Variants in NIBAN2 observed in about 807,000 individuals in gnomAD.
NIBAN2 encodes the protein protein Niban 2.
A neutral mutation model predicts 81.8 loss-of-function variants in NIBAN2; 36 were observed. The observed-to-expected ratio is 0.44, with a 90% CI of 0.34 to 0.58. NIBAN2 has a LOEUF of 0.58. Among genes scored for constraint, NIBAN2 ranks in the 20% least tolerant of loss-of-function variants. The pLI, the probability that NIBAN2 is intolerant of heterozygous loss-of-function variation, is 0.02. For synonymous variants in NIBAN2, 445 were observed against 441.6 expected (o/e 1.01, Z -0.10); for missense variants, 897 against 1,014.1 (o/e 0.88, Z 1.57).
chr9:127,547,983 C>T (rs1306646061), intron 1 of NIBAN2, among the ~76,000 whole-genome samples: 9 of 152,208 alleles, frequency 5.9e-5, no homozygotes, highest in East Asian at 5.8e-4. Flanking sequence ...TGGAACCTCT[C>T]GAAGGAGCTC....
intron 1 of NIBAN2, among the ~76,000 whole-genome samples, chr9:127,535,394 G>A (rs1318674613): frequency 6.6e-6 from 1 of 152,242 alleles, no homozygotes; most frequent in East Asian, 1.9e-4. Context: ...GGGCAAGACT[G>A]AGCCAGGAGA....
chr9:127,535,710 GCTC>G (rs1288107632), intron 1 of NIBAN2, among the ~76,000 whole-genome samples: 1 of 152,100 alleles, frequency 6.6e-6, no homozygotes, highest in Non-Finnish European at 1.5e-5. Context: ...ATCCAGGCTT[GCTC>G]TCAGAATTCA....
Position 127,508,513 on chromosome 9 carries a change from AACGTAT to A in NIBAN2, c.1337_1342del (p.Tyr446_Thr447del). The stretch of plus-strand genomic sequence containing the variant: ...CAGCTCCTGGTGCAGGAGGGTCTCG[AACGTAT>A]ACACGGCATTGTCCATTTGCTGCAG... On this transcript the variant is annotated inframe_deletion, in exon 11 of 14. Transcript: ENST00000373312. The surrounding 1 kb of genome is among the most constrained non-coding windows in gnomAD (Gnocchi z 6.4). 6.2e-7 allele frequency: 1 copy of A among 1,613,846 alleles called. No individual in the cohort carries two copies. The highest frequency in any genetic ancestry group is 8.5e-7 in the Non-Finnish European group (1 of 1,179,944).
Position 127,523,692 on chromosome 9 carries a change from C to A in NIBAN2, c.576G>T (p.Arg192=). The A allele has an allele frequency of 6.2e-7, 1 of 1,611,848 alleles. No homozygotes were observed. Among genetic ancestry groups the A allele is most frequent in the Non-Finnish European group, 8.5e-7 (1 of 1,178,384 alleles). Residue 192 remains arginine, a synonymous_variant, in exon 5 of 14, where the codon CGG becomes CGT. Coordinates refer to ENST00000373312, the MANE Select transcript of NIBAN2 (RefSeq NM_022833.4). ...KWQAVLQDCI[R]HCNNGIPEDS... Reference sequence around the variant, plus strand: ...CAGGCCACTCACCATTGTTGCAGTGCCGGATGCAGTCCTGCAGCACAGCCT... The same window carrying A: ...CAGGCCACTCACCATTGTTGCAGTGACGGATGCAGTCCTGCAGCACAGCCT...
chr9:127,537,660 C>T (rs564795431), intron 1 of NIBAN2, among the ~76,000 whole-genome samples: 2 of 152,304 alleles, frequency 1.3e-5, no homozygotes, highest in Admixed American at 6.5e-5. Flanking sequence ...CGCTTTCTGC[C>T]AGCAGGAGGT....
chr9:127,523,697 T>G lies in NIBAN2; in HGVS notation c.571A>C (p.Ile191Leu), dbSNP rs1205784096. 6.2e-7 allele frequency: 1 copy of G among 1,612,876 alleles called. No individual in the cohort carries two copies. Among genetic ancestry groups the G allele is most frequent in the Non-Finnish European group, 8.5e-7 (1 of 1,179,156 alleles). Residue 191 changes from isoleucine (I) to leucine (L), a missense_variant, in exon 5 of 14, where the codon ATC becomes CTC. By Grantham distance (5) the Ile-to-Leu change is conservative. Around this residue, in one of 3 missense-constraint regions of NIBAN2, gnomAD observed 69 missense variants for 114.7 expected, o/e 0.60. Coordinates refer to ENST00000373312, the MANE Select transcript of NIBAN2 (RefSeq NM_022833.4). Reference sequence around the variant, plus strand: ...CACTCACCATTGTTGCAGTGCCGGATGCAGTCCTGCAGCACAGCCTGCCAC... The same window carrying G: ...CACTCACCATTGTTGCAGTGCCGGAGGCAGTCCTGCAGCACAGCCTGCCAC... The part of the protein sequence containing the change: ...DKWQAVLQDC[I>L]RHCNNGIPED...
intron 8 of NIBAN2, among the ~76,000 whole-genome samples, chr9:127,512,523 G>A (rs1158351631): frequency 6.6e-6 from 1 of 152,156 alleles, no homozygotes; most frequent in Non-Finnish European, 1.5e-5. Flanking sequence ...CTGACCTCAA[G>A]TGATCCACCC....
intron 8 of NIBAN2, 88 bp from the exon 9 acceptor site, chr9:127,510,421 T>C (rs1836714854): frequency 3.7e-6 from 3 of 820,018 alleles, no homozygotes; most frequent in Non-Finnish European, 5.3e-6. Flanking sequence ...GGCTACTGTA[T>C]TACTATTATT....
At position 127,527,175 on chromosome 9, in the gene NIBAN2, GC is replaced by G. The variant is rs1564303508; in HGVS notation, c.315+18del. 1 of 1,610,782 alleles carries G rather than the reference GC, an allele frequency of 6.2e-7. No individual in the cohort carries two copies. The highest frequency in any genetic ancestry group is 8.5e-7 in the Non-Finnish European group (1 of 1,179,854). Reference sequence around the variant, plus strand: ...AGAAAGCGGGGAGGCTCAGTGTGGCGCCCGGGGCCAGGCCTCACCGCTTTGT... The same window carrying G: ...AGAAAGCGGGGAGGCTCAGTGTGGCGCCGGGGCCAGGCCTCACCGCTTTGT... On this transcript the variant is annotated intron_variant, in intron 3 of 13. Coordinates refer to ENST00000373312, the MANE Select transcript of NIBAN2 (RefSeq NM_022833.4).
At chr9:127,543,140 G>A (rs1837411766) in intron 1 of NIBAN2, among the ~76,000 whole-genome samples, 1 of 152,224 alleles carries the variant, frequency 6.6e-6, no homozygotes, top group Non-Finnish European at 1.5e-5. Flanking sequence ...CTCAGCTAGG[G>A]ACTTCCAGTG....
chr9:127,556,318 C>T (rs1837669421), intron 1 of NIBAN2, among the ~76,000 whole-genome samples: 1 of 152,132 alleles, frequency 6.6e-6, no homozygotes, highest in Non-Finnish European at 1.5e-5. Flanking sequence ...GTCACCACCC[C>T]AAGCCCCTCC....
In NIBAN2 at chr9:127,568,888, C is replaced by T. The variant is rs1327856360; in HGVS notation, c.-14G>A. 76 of 1,296,782 alleles carry T rather than the reference C, an allele frequency of 5.9e-5. 1 individual carries two copies. The East Asian group carries it at 2.3e-3, about 39-fold the overall frequency. 80.3% of individuals were successfully genotyped at this position (1,296,782 alleles called of 1,614,324 possible). On this transcript the variant is annotated 5_prime_UTR_variant, in exon 1 of 14. Coordinates refer to ENST00000373312, the MANE Select transcript of NIBAN2 (RefSeq NM_022833.4). ...CACGTCCCCCATGGCCAGGAGGTGT[C>T]GCGGCCCGATCCGGCCGACGCCGCC... is the stretch of plus-strand genomic sequence containing the variant.
chr9:127,531,760 A>C lies in NIBAN2; in HGVS notation c.74T>G (p.Leu25Arg). 1 of 1,614,246 alleles carries C rather than the reference A, an allele frequency of 6.2e-7. No individual in the cohort carries two copies. The highest frequency in any genetic ancestry group is 8.5e-7 in the Non-Finnish European group (1 of 1,180,040). The change falls in exon 2 of 14, where the codon CTG (leucine) becomes CGG (arginine). Residue 25 changes from leucine to arginine, a missense_variant. By Grantham distance (102) the Leu-to-Arg change is moderately radical (BLOSUM62 -2). Around this residue, in one of 3 missense-constraint regions of NIBAN2, gnomAD observed 209 missense variants for 208.4 expected, o/e 1.00. Coordinates refer to ENST00000373312, the MANE Select transcript of NIBAN2 (RefSeq NM_022833.4). ...TTCATAGAACTGGAGGAACTCCGTC[A>C]GGATCTTCCCGGTTTTTTCTGGAAG... Reference protein sequence around the residue: ...QHIAEKTGKILTEFLQFYEDQ... With the variant: ...QHIAEKTGKIRTEFLQFYEDQ...
In NIBAN2 at chr9:127,517,188, A is replaced by T; in HGVS notation, c.734T>A (p.Leu245Gln). 9 of 1,613,982 alleles carry T rather than the reference A, an allele frequency of 5.6e-6. No homozygotes were observed. Among genetic ancestry groups the T allele is most frequent in the Non-Finnish European group, 7.6e-6 (9 of 1,179,970 alleles). Residue 245 changes from leucine (L) to glutamine (Q), a missense_variant, in exon 7 of 14, where the codon CTG becomes CAG. Physicochemically the swap from Leu to Gln is moderately radical, Grantham distance 113. Around this residue, in one of 3 missense-constraint regions of NIBAN2, gnomAD observed 619 missense variants for 691.0 expected, o/e 0.90. Transcript: ENST00000373312. This position sits in a 1 kb window ranked among gnomAD's most constrained non-coding sequence, Gnocchi z 4.0. The stretch of plus-strand genomic sequence containing the variant: ...GAGCTCTGCCTTCAGCTCAGGGCCC[A>T]GCTCCTCCATCACCAGGTTGCTCAG... ...QILSNLVMEE[L>Q]GPELKAELGP...
At chr9:127,535,645 G>A (rs1373222587) in intron 1 of NIBAN2, among the ~76,000 whole-genome samples, 1 of 152,184 alleles carries the variant, frequency 6.6e-6, no homozygotes, top group Non-Finnish European at 1.5e-5. Flanking sequence ...GGTCCAGGAT[G>A]CAGTTCCCTC....
chr9:127,521,013 G>A (rs1836931242), intron 5 of NIBAN2, among the ~76,000 whole-genome samples: 1 of 152,234 alleles, frequency 6.6e-6, no homozygotes, highest in Admixed American at 6.5e-5. Flanking sequence ...CAGCCAAGGA[G>A]AGAGGTCTCG....
At chr9:127,569,328 G>C (rs1837918008), upstream of NIBAN2, among the ~76,000 whole-genome samples, 3 of 150,948 alleles carry the variant, frequency 2.0e-5, no homozygotes, top group Admixed American at 2.0e-4. Flanking sequence ...CGCCGGGACC[G>C]CCCTGGAGAA....
intron 1 of NIBAN2, among the ~76,000 whole-genome samples, chr9:127,542,339 C>T (rs1033217764): frequency 6.6e-6 from 1 of 152,194 alleles, no homozygotes; most frequent in African/African-American, 2.4e-5. Context: ...CGCAGCCCAC[C>T]GCTGGCCTCC....
intron 1 of NIBAN2, among the ~76,000 whole-genome samples, chr9:127,554,028 T>C (rs528549725): frequency 1.4e-4 from 22 of 152,260 alleles, no homozygotes; most frequent in African/African-American, 5.3e-4. Flanking sequence ...AGAGAGACTC[T>C]TTATTTGTGG....
Sources: allele counts gnomAD v4.1 joint callset (sites outside exome capture counted in the v4.1 genomes callset), GRCh38; gene constraint gnomAD v4.1.1; regional missense constraint gnomAD v4.1.1; non-coding constraint Gnocchi (gnomAD v3.1); transcripts MANE v1.5; gene names NCBI Gene and HGNC (gene_info 2026-07-23, HGNC 2026-07-21).